Variants in DPP6 observed in about 807,000 individuals in gnomAD.
DPP6 encodes A-type potassium channel modulatory protein DPP6.
Under a neutral mutation model 122.6 loss-of-function variants are expected in DPP6, and 69 were observed. The ratio of observed to expected loss-of-function variants is 0.56; its 90% CI spans 0.46 to 0.69. The LOEUF (loss-of-function observed/expected upper bound fraction) is 0.69, where lower values mean the gene tolerates loss of function less well. Among genes scored for constraint, DPP6 ranks in the 30% least tolerant of loss-of-function variants. The pLI is 0.00. For synonymous variants in DPP6, 418 were observed against 433.1 expected (o/e 0.97, Z 0.43); for missense variants, 928 against 1,116.9 (o/e 0.83, Z 2.41).
At chr7:153,918,592 CTCTCTCTCTCTCTCTCTCTCTCTCTCTG>C (rs1800481532) in intron 1 of DPP6, among the ~76,000 whole-genome samples, 5 of 97,026 alleles carry the variant, frequency 5.2e-5, no homozygotes, top group Admixed American at 1.1e-4. Context: ...CTCTCTCTCT[CTCTCTCTCTCTCTCTCTCTCTCTCTCTG>C]TCTCTCTCAC....
At chr7:153,831,544 C>T in the DPP6 span, among the ~76,000 whole-genome samples, 4 of 152,084 alleles carry the variant, frequency 2.6e-5, no homozygotes, top group African/African-American at 4.8e-5. Context: ...ATTTATGGCC[C>T]AGACAGTCTG....
intron 4 of DPP6, among the ~76,000 whole-genome samples, chr7:154,547,115 G>A (rs1423401799): frequency 6.6e-6 from 1 of 152,232 alleles, no homozygotes; most frequent in Non-Finnish European, 1.5e-5. Flanking sequence ...TGGCCCCCGG[G>A]AAGTGGGCTC....
chr7:154,562,359 T>C (rs1464102696), intron 4 of DPP6, among the ~76,000 whole-genome samples: 1 of 152,080 alleles, frequency 6.6e-6, no homozygotes, highest in Non-Finnish European at 1.5e-5. Flanking sequence ...CATAATCATC[T>C]CAATAAATGC....
intron 1 of DPP6, among the ~76,000 whole-genome samples, chr7:153,888,248 GC>G (rs1799027721): frequency 1.3e-5 from 2 of 152,218 alleles, no homozygotes; most frequent in South Asian, 4.1e-4. Flanking sequence ...TCCAGACGCC[GC>G]CGCCGGGCGG....
chr7:153,826,132 C>T, the DPP6 span, among the ~76,000 whole-genome samples: 4 of 152,076 alleles, frequency 2.6e-5, no homozygotes, highest in Non-Finnish European at 4.4e-5. Flanking sequence ...CTTTTAATAC[C>T]ACTGGGAAAC....
At chr7:154,192,174 C>G (rs1271634304) in intron 1 of DPP6, among the ~76,000 whole-genome samples, 1 of 152,214 alleles carries the variant, frequency 6.6e-6, no homozygotes, top group Non-Finnish European at 1.5e-5. Context: ...TAAGATGAAA[C>G]AAGGTCTCCG....
intron 1 of DPP6, among the ~76,000 whole-genome samples, chr7:153,984,909 G>A (rs866216837): frequency 6.6e-6 from 1 of 152,180 alleles, no homozygotes; most frequent in Non-Finnish European, 1.5e-5. Flanking sequence ...GTGTCTAGGA[G>A]GAAAGAATCT....
At chr7:154,050,856 CAGA>C (rs1308334002), upstream of DPP6, among the ~76,000 whole-genome samples, 1 of 144,234 alleles carries the variant, frequency 6.9e-6, no homozygotes, top group Non-Finnish European at 1.5e-5. Context: ...GTGGAGTAAA[CAGA>C]AGATGAGCGT....
intron 1 of DPP6, among the ~76,000 whole-genome samples, chr7:153,888,934 T>A (rs1799068002): frequency 6.6e-6 from 1 of 152,002 alleles, no homozygotes; most frequent in Non-Finnish European, 1.5e-5. Flanking sequence ...CATTTTGAGA[T>A]CTCGCTTTAA....
chr7:154,049,811 T>C (rs1470963930), upstream of DPP6, among the ~76,000 whole-genome samples: 16 of 150,560 alleles, frequency 1.1e-4, no homozygotes, highest in East Asian at 3.9e-4. Context: ...GGTCTCAATC[T>C]CCTCACCTCG....
intron 1 of DPP6, among the ~76,000 whole-genome samples, chr7:153,955,339 G>A (rs766059001): frequency 6.6e-6 from 1 of 152,132 alleles, no homozygotes; most frequent in Non-Finnish European, 1.5e-5. Context: ...CATCATTAAT[G>A]GGTATGAGTA....
intron 1 of DPP6, among the ~76,000 whole-genome samples, chr7:154,312,399 T>C (rs974332265): frequency 6.6e-6 from 1 of 152,150 alleles, no homozygotes; most frequent in Non-Finnish European, 1.5e-5. Context: ...GCTGATATAA[T>C]GAAGTCTTGC....
intron 1 of DPP6, among the ~76,000 whole-genome samples, chr7:154,321,278 A>T (rs1278790831): frequency 4.1e-5 from 5 of 122,920 alleles, no homozygotes; most frequent in Non-Finnish European, 4.9e-5. Context: ...CCCTGTCTTT[A>T]AAAAAAAAAA....
At chr7:154,293,189 A>T (rs1437553041) in intron 1 of DPP6, among the ~76,000 whole-genome samples, 1 of 152,224 alleles carries the variant, frequency 6.6e-6, no homozygotes, top group African/African-American at 2.4e-5. Flanking sequence ...AACACTTAAG[A>T]TATAAGTCAT....
At chr7:154,136,129 T>C (rs1264663163) in intron 1 of DPP6, among the ~76,000 whole-genome samples, 2 of 152,184 alleles carry the variant, frequency 1.3e-5, no homozygotes, top group African/African-American at 2.4e-5. Flanking sequence ...AGTTCATCCA[T>C]AGATTTCTTC....
intron 1 of DPP6, among the ~76,000 whole-genome samples, chr7:154,365,809 T>G (rs1812117921): frequency 6.6e-6 from 1 of 151,968 alleles, no homozygotes; most frequent in Admixed American, 6.6e-5. Flanking sequence ...ATACCAAAAA[T>G]TAGCCACACG....
At chr7:154,201,017 C>A (rs542741702) in intron 1 of DPP6, among the ~76,000 whole-genome samples, 7 of 152,108 alleles carry the variant, frequency 4.6e-5, no homozygotes, top group African/African-American at 1.4e-4. Context: ...GCAGAGGGCA[C>A]GGTGGAACTT....
intron 1 of DPP6, among the ~76,000 whole-genome samples, chr7:154,379,947 A>C (rs912523226): frequency 1.2e-4 from 18 of 152,340 alleles, no homozygotes; most frequent in African/African-American, 3.6e-4. Flanking sequence ...AATCATGAGG[A>C]AACAAGCAGA....
At chr7:154,266,926 T>C (rs1262908314) in intron 1 of DPP6, among the ~76,000 whole-genome samples, 1 of 152,192 alleles carries the variant, frequency 6.6e-6, no homozygotes, top group Non-Finnish European at 1.5e-5. Context: ...ACTAACCTTG[T>C]CAGGTTTTGA....
Sources: allele counts gnomAD v4.1 joint callset (sites outside exome capture counted in the v4.1 genomes callset), GRCh38; gene constraint gnomAD v4.1.1; transcripts MANE v1.5; gene names NCBI Gene and HGNC (gene_info 2026-07-23, HGNC 2026-07-21).